NUDT5: variants seen among roughly 807,000 people sequenced by gnomAD.
The protein encoded by NUDT5 is nudix hydrolase 5.
In NUDT5, 21 loss-of-function variants were observed where a neutral mutation model predicts 34.1. The ratio of observed to expected loss-of-function variants is 0.62; its 90% confidence interval spans 0.44 to 0.89. NUDT5 has a LOEUF of 0.89. Among genes scored for constraint, NUDT5 ranks in the 40% least tolerant of loss-of-function variants. NUDT5 has a pLI of 0.00. For synonymous variants in NUDT5, 85 were observed against 97.6 expected, an observed-to-expected ratio of 0.87 and a Z score of 0.76; for missense variants, 249 against 274.8, an observed-to-expected ratio of 0.91 and a Z score of 0.66.
chr10:12,185,582 T>C (rs1018385127), intron 2 of NUDT5, among the ~76,000 whole-genome samples: 2 of 152,252 alleles, frequency 1.3e-5, no homozygotes, highest in Non-Finnish European at 2.9e-5. Context: ...CGTCACTGCG[T>C]ATAAAGCAGT....
intron 5 of NUDT5, among the ~76,000 whole-genome samples, chr10:12,176,143 G>C (rs552464827): frequency 6.6e-6 from 1 of 150,668 alleles, no homozygotes; most frequent in South Asian, 2.1e-4. Context: ...GTTGCAGTGA[G>C]CTGAGATCCT....
chr10:12,167,854 AAGGACAAAAC>A (rs1410934322), intron 9 of NUDT5, 43 bp from the exon 10 acceptor site: 19 of 1,609,990 alleles, frequency 1.2e-5, no homozygotes, highest in Non-Finnish European at 1.6e-5. Flanking sequence ...GCCGTTAAGG[AAGGACAAAAC>A]ATCTTATTCA....
In NUDT5 at chr10:12,169,000, T is replaced by G. The variant is rs192943682; in HGVS notation, c.551-1189A>C. The stretch of plus-strand genomic sequence containing the variant: ...CTGGTCTGGAGCTCCTGACCTCAAG[T>G]GATCAGCCTACCTCGGCCTCCCAAA... On this transcript the variant is annotated intron_variant, in intron 9 of 9. Transcript: ENST00000491614. This position sits in a 1 kb window ranked among gnomAD's most constrained non-coding sequence, Gnocchi z 4.8. Among the ~76,000 whole-genome samples the G allele has an allele frequency of 2.6e-5, 4 of 152,162 alleles. No individual in the cohort carries two copies. The highest frequency in any genetic ancestry group is 2.6e-4 in the Admixed American group (4 of 15,274).
chr10:12,185,539 T>G (rs929994624), intron 2 of NUDT5, among the ~76,000 whole-genome samples: 2 of 152,234 alleles, frequency 1.3e-5, no homozygotes, highest in Non-Finnish European at 2.9e-5. Flanking sequence ...GAGACTAACT[T>G]ACCTACGGCA....
intron 3 of NUDT5, chr10:12,184,380 T>G: frequency 1.3e-6 from 1 of 779,848 alleles, no homozygotes; most frequent in Non-Finnish European, 1.9e-6. Flanking sequence ...TTGTTAAAAC[T>G]GGGATTACTC....
chr10:12,168,947 G>A lies in NUDT5; in HGVS notation c.551-1136C>T, dbSNP rs563644427. Among the ~76,000 whole-genome samples, 8 of 152,160 alleles carry A rather than the reference G, an allele frequency of 5.3e-5. No homozygotes were observed. Among genetic ancestry groups the A allele is most frequent in the African/African-American group, 1.9e-4 (8 of 41,526 alleles). On this transcript the variant is annotated intron_variant, in intron 9 of 9. Transcript: ENST00000491614. This position sits in a 1 kb window ranked among gnomAD's most constrained non-coding sequence, Gnocchi z 4.8. ...CTGGCTAATTTTTGTATTTTTAGTA[G>A]AGATGGGGTTTTACTATGTTGGCCA...
chr10:12,186,297 A>T lies in NUDT5; in HGVS notation c.-6T>A. On this transcript the variant is annotated 5_prime_UTR_variant, in exon 2 of 10. The change creates a new upstream start codon in the 5' untranslated region. Transcript: ENST00000491614. Reference sequence around the variant, plus strand: ...GTTGGTTCTTGGCTCTCCATTTTCAAACGAGTCTTTACAGCCCTCAGGTGA... The same window carrying T: ...GTTGGTTCTTGGCTCTCCATTTTCATACGAGTCTTTACAGCCCTCAGGTGA... The T allele has an allele frequency of 6.2e-7, 1 of 1,609,028 alleles. No homozygotes were observed. Among genetic ancestry groups the T allele is most frequent in the East Asian group, 2.2e-5 (1 of 44,872 alleles).
rs749925160 is a variant in NUDT5 at position 12,173,736 on chromosome 10, T to C, written c.367A>G (p.Ile123Val). 3 of 1,613,858 alleles carry C rather than the reference T, an allele frequency of 1.9e-6. No homozygotes were observed. Among genetic ancestry groups the C allele is most frequent in the Non-Finnish European group, 1.7e-6 (2 of 1,179,750 alleles). The change falls in exon 6 of 10, where the codon ATT becomes GTT. Residue 123 changes from isoleucine (I) to valine (V), a missense_variant. Physicochemically the swap from Ile to Val is conservative, Grantham distance 29. Coordinates refer to ENST00000491614, the MANE Select transcript of NUDT5 (RefSeq NM_014142.4). This position sits in a 1 kb window ranked among gnomAD's most constrained non-coding sequence, Gnocchi z 4.7. Reference protein sequence around the residue: ...LEEETGYKGDIAECSPAVCMD... With the variant: ...LEEETGYKGDVAECSPAVCMD... ...TACCAACCTGGAGAACATTCGGCAA[T>C]GTCCCCTTTGTAGCCAGTTTCTTCT...
Position 12,169,118 on chromosome 10 carries a change from T to C in NUDT5, c.551-1307A>G. The C allele has an allele frequency of 1.8e-6, 1 of 557,868 alleles. No individual in the cohort carries two copies. The highest frequency in any genetic ancestry group is 3.2e-6 in the Non-Finnish European group (1 of 312,606). The allele number at this position is 557,868 out of a possible 1,614,324, so 34.6% of individuals were successfully genotyped here. On this transcript the variant is annotated intron_variant, in intron 9 of 9. Coordinates refer to ENST00000491614, the MANE Select transcript of NUDT5 (RefSeq NM_014142.4). This position sits in a 1 kb window ranked among gnomAD's most constrained non-coding sequence, Gnocchi z 4.8. ...CTTCCGACTTCTCAAATGTTGCTGG[T>C]TGAATAAACGGTTTGATTACTGTAT...
rs1564419971 is a variant in NUDT5 at position 12,167,546 on chromosome 10, G to A, written c.*156C>T. The stretch of plus-strand genomic sequence containing the variant: ...TTTAAAGGAAGGTCACAACCTACCT[G>A]TAATTACAATTCCATACCACCACCA... On this transcript the variant is annotated 3_prime_UTR_variant, in exon 10 of 10. Coordinates refer to ENST00000491614, the MANE Select transcript of NUDT5 (RefSeq NM_014142.4). 6.2e-6 allele frequency: 4 copies of A among 646,756 alleles called. No individual in the cohort carries two copies. Among genetic ancestry groups the A allele is most frequent in the Non-Finnish European group, 1.0e-5 (4 of 385,062 alleles). 40.1% of individuals were successfully genotyped at this position (646,756 alleles called of 1,614,324 possible).
At chr10:12,185,472 A>G (rs997841363) in intron 2 of NUDT5, among the ~76,000 whole-genome samples, 3 of 152,228 alleles carry the variant, frequency 2.0e-5, no homozygotes, top group Admixed American at 6.5e-5. Flanking sequence ...TTCCCACCCA[A>G]CCACAGATGG....
rs1236302235 is a variant in NUDT5, at chr10:12,187,094, G to A, written c.-41-762C>T. Among the ~76,000 whole-genome samples, 9 of 152,082 alleles carry A rather than the reference G, an allele frequency of 5.9e-5. No individual in the cohort carries two copies. The highest frequency in any genetic ancestry group is 6.6e-5 in the Admixed American group (1 of 15,256). ...GTTGCACAGGTTGGAGTGCAGTGGC[G>A]AAATCATGGCTCACTGTAGCCTCTA... On this transcript the variant is annotated intron_variant, in intron 1 of 9. Coordinates refer to ENST00000491614, the MANE Select transcript of NUDT5 (RefSeq NM_014142.4). This position sits in a 1 kb window ranked among gnomAD's most constrained non-coding sequence, Gnocchi z 5.4.
At position 12,170,736 on chromosome 10, in the gene NUDT5, G is replaced by T; in HGVS notation, c.531C>A (p.Asp177Glu). Reference sequence around the variant, plus strand: ...GCTTACCATCAAGTCTCTGCAGCAGGTCATTCTTGGGTAAAGAAATGACTT... The same window carrying T: ...GCTTACCATCAAGTCTCTGCAGCAGTTCATTCTTGGGTAAAGAAATGACTT... ...FVEVISLPKN[D>E]LLQRLDALVA... Residue 177 changes from aspartate to glutamate, a missense_variant, in exon 9 of 10, where the codon GAC becomes GAA. By Grantham distance (45) the Asp-to-Glu change is conservative. Coordinates refer to ENST00000491614, the MANE Select transcript of NUDT5 (RefSeq NM_014142.4). The surrounding 1 kb of genome is among the most constrained non-coding windows in gnomAD (Gnocchi z 4.9). 1 of 1,613,948 alleles carries T rather than the reference G, an allele frequency of 6.2e-7. No individual in the cohort carries two copies. Among genetic ancestry groups the T allele is most frequent in the South Asian group, 1.1e-5 (1 of 91,070 alleles).
Position 12,170,092 on chromosome 10 carries a change from A to G in NUDT5, c.550+625T>C, listed in dbSNP as rs941026702. On this transcript the variant is annotated intron_variant, in intron 9 of 9. Transcript: ENST00000491614. The surrounding 1 kb of genome is among the most constrained non-coding windows in gnomAD (Gnocchi z 4.9). ...ACAGTATCTCCTCATGTCTCCATAC[A>G]GTATCTCCTCTCGTGGTTTTATCAA... is the stretch of plus-strand genomic sequence containing the variant. The G allele has an allele frequency of 1.9e-4, 300 of 1,608,808 alleles. No homozygotes were observed. Among genetic ancestry groups the G allele is most frequent in the Non-Finnish European group, 2.3e-4 (276 of 1,176,330 alleles).
intron 3 of NUDT5, among the ~76,000 whole-genome samples, chr10:12,179,454 C>T (rs950265532): frequency 7.9e-5 from 12 of 152,248 alleles, no homozygotes; most frequent in Non-Finnish European, 1.5e-4. Context: ...GCAAGGAGCA[C>T]AGCCAGTGAC....
rs1274117970 is a variant in NUDT5 at position 12,169,502 on chromosome 10, C to T, written c.550+1215G>A. 1 of 544,588 alleles carries T rather than the reference C, an allele frequency of 1.8e-6. No homozygotes were observed. Among genetic ancestry groups the T allele is most frequent in the East Asian group, 3.1e-5 (1 of 32,372 alleles). 33.7% of individuals were successfully genotyped at this position (544,588 alleles called of 1,614,324 possible). On this transcript the variant is annotated intron_variant, in intron 9 of 9. Transcript: ENST00000491614. The surrounding 1 kb of genome is among the most constrained non-coding windows in gnomAD (Gnocchi z 4.8). ...CGCGGAGCCTCAAACCGAGTCGGGC[C>T]TGTGACTCCGAGCTGCGCTGCCTCG... is the stretch of plus-strand genomic sequence containing the variant.
rs1431381516 is a variant in NUDT5, at chr10:12,182,604, T to C, written c.131+2285A>G. ...TACTCCCAATCTACTGAAATAGATA[T>C]TCTGAAGTGAGATTTCGTCGTATTT... is the stretch of plus-strand genomic sequence containing the variant. On this transcript the variant is annotated intron_variant, in intron 3 of 9. Transcript: ENST00000491614. This position sits in a 1 kb window ranked among gnomAD's most constrained non-coding sequence, Gnocchi z 4.3. 6.6e-6 allele frequency among the ~76,000 whole-genome samples: 1 copy of C among 152,204 alleles called. No individual in the cohort carries two copies. The highest frequency in any genetic ancestry group is 2.4e-5 in the African/African-American group (1 of 41,454).
At chr10:12,179,024 C>G in intron 4 of NUDT5, 59 bp downstream of exon 4, 1 of 1,413,312 alleles carries the variant, frequency 7.1e-7, no homozygotes. Flanking sequence ...TGAAAACCCT[C>G]TTACGATCAC....
rs1426581842 is a variant in NUDT5 at position 12,168,284 on chromosome 10, A to G, written c.551-473T>C. Reference sequence around the variant, plus strand: ...CGTGATCCACCCGCCTCAGCCTCCCAAAGTGCTGGGATTACAGGCGTGAGC... The same window carrying G: ...CGTGATCCACCCGCCTCAGCCTCCCGAAGTGCTGGGATTACAGGCGTGAGC... On this transcript the variant is annotated intron_variant, in intron 9 of 9. Transcript: ENST00000491614. This position sits in a 1 kb window ranked among gnomAD's most constrained non-coding sequence, Gnocchi z 4.8. 1.3e-5 allele frequency among the ~76,000 whole-genome samples: 2 copies of G among 152,148 alleles called. No homozygotes were observed. The highest frequency in any genetic ancestry group is 2.9e-5 in the Non-Finnish European group (2 of 68,016).
Sources: allele counts gnomAD v4.1 joint callset (sites outside exome capture counted in the v4.1 genomes callset), GRCh38; gene constraint gnomAD v4.1.1; non-coding constraint Gnocchi (gnomAD v3.1); transcripts MANE v1.5; gene names NCBI Gene and HGNC (gene_info 2026-07-23, HGNC 2026-07-21).